ERN1: variants seen among roughly 807,000 people sequenced by gnomAD.
ERN1 encodes the protein serine/threonine-protein kinase/endoribonuclease IRE1.
In ERN1, 39 loss-of-function variants were observed where a neutral mutation model predicts 113.1. That is an observed-to-expected ratio of 0.34 (90% CI 0.27 to 0.45). The LOEUF is 0.45. Ranked by LOEUF, ERN1 falls within the 20% of genes least tolerant of loss-of-function variation. ERN1 has a pLI of 1.00. For synonymous variants in ERN1, 507 were observed against 515.9 expected (o/e 0.98, Z 0.23); for missense variants, 976 against 1,274.8 (o/e 0.77, Z 3.57).
At chr17:64,105,296 C>T (rs1567882315) in intron 1 of ERN1, among the ~76,000 whole-genome samples, 1 of 152,002 alleles carries the variant, frequency 6.6e-6, no homozygotes, top group Non-Finnish European at 1.5e-5. Flanking sequence ...TTTGTAGAGT[C>T]GGGAGTTTCA....
At chr17:64,120,813 AT>A (rs1567889159) in intron 1 of ERN1, among the ~76,000 whole-genome samples, 3 of 152,176 alleles carry the variant, frequency 2.0e-5, no homozygotes, top group African/African-American at 7.2e-5. Flanking sequence ...GTGCAATCCC[AT>A]TAAAGAATAT....
intron 5 of ERN1, among the ~76,000 whole-genome samples, chr17:64,073,003 AAT>A (rs1491444550): frequency 1.7e-4 from 20 of 119,714 alleles, no homozygotes; most frequent in Admixed American, 8.7e-4. Flanking sequence ...GAGCCTTTGA[AAT>A]TTTTTTTTTT....
chr17:64,104,453 CA>C lies in ERN1; in HGVS notation c.55-6213del, dbSNP rs35150631. Among the ~76,000 whole-genome samples the C allele has an allele frequency of 5.6e-3, 808 of 143,682 alleles. 5 individuals carry two copies. The highest frequency in any genetic ancestry group is 0.017 in the African/African-American group (681 of 39,300). 94.3% of individuals were successfully genotyped at this position (143,682 alleles called of 152,430 possible). On this transcript the variant is annotated intron_variant, in intron 1 of 21. Transcript: ENST00000433197. ...GGGGTTTCAGAAATGTTGCTTTTGC[CA>C]AAAAAAAAAATGCAGCTTGTCAATT...
chr17:64,076,652 T>C (rs1419438703), intron 4 of ERN1, among the ~76,000 whole-genome samples: 1 of 151,442 alleles, frequency 6.6e-6, no homozygotes, highest in Non-Finnish European at 1.5e-5. Context: ...CAGGCTGAAG[T>C]GCAGTGGCGT....
Position 64,055,668 on chromosome 17 carries a change from G to A in ERN1, c.1672+7C>T, listed in dbSNP as rs750987430. 1.0e-5 allele frequency: 16 copies of A among 1,568,630 alleles called. No individual in the cohort carries two copies. The South Asian group carries it at 1.8e-4, about 17-fold the overall frequency. The stretch of plus-strand genomic sequence containing the variant: ...TAAAATAGCACCAAGATGGCAACTG[G>A]CTTTACCTCCATCGTCTTGTTCCAG... On this transcript the variant is annotated splice_region_variant and intron_variant, in intron 13 of 21. Coordinates refer to ENST00000433197, the MANE Select transcript of ERN1 (RefSeq NM_001433.5).
chr17:64,075,092 G>A (rs902287668), intron 5 of ERN1, 83 bp downstream of exon 5: 10 of 1,136,794 alleles, frequency 8.8e-6, no homozygotes, highest in East Asian at 7.8e-5. Context: ...CGGTGACTGC[G>A]CCCTCTCTCT....
intron 16 of ERN1, 44 bp from the exon 17 acceptor site, chr17:64,053,023 C>A: frequency 7.4e-7 from 1 of 1,359,946 alleles, no homozygotes; most frequent in South Asian, 1.3e-5. Context: ...CCAGGAGCAA[C>A]CCCAGGCCTC....
Position 64,063,299 on chromosome 17 carries a change from A to AG in ERN1, c.1087+686dup, listed in dbSNP as rs1224845298. Among the ~76,000 whole-genome samples, 2 of 152,274 alleles carry AG rather than the reference A, an allele frequency of 1.3e-5. No individual in the cohort carries two copies. Among genetic ancestry groups the AG allele is most frequent in the Non-Finnish European group, 2.9e-5 (2 of 68,048 alleles). On this transcript the variant is annotated intron_variant, in intron 10 of 21. Coordinates refer to ENST00000433197, the MANE Select transcript of ERN1 (RefSeq NM_001433.5). The surrounding 1 kb of genome is among the most constrained non-coding windows in gnomAD (Gnocchi z 5.1). ...GCTCTAATGACTTGGCACACTTGCC[A>AG]GGAACACAGCTCTTCTCACTTCCGC...
chr17:64,102,009 G>C (rs1914398061), intron 1 of ERN1, among the ~76,000 whole-genome samples: 1 of 152,128 alleles, frequency 6.6e-6, no homozygotes, highest in Non-Finnish European at 1.5e-5. Context: ...GCCGGGACCG[G>C]TGGCTCATGC....
chr17:64,097,909 G>A (rs1000470295), intron 2 of ERN1: 14 of 551,234 alleles, frequency 2.5e-5, no homozygotes, highest in East Asian at 3.2e-5. Context: ...AAGATAAAAC[G>A]TGCTTCTTTA....
chr17:64,045,032 G>T, intron 20 of ERN1, 105 bp from the exon 21 acceptor site: 1 of 866,736 alleles, frequency 1.2e-6, no homozygotes, highest in Non-Finnish European at 1.9e-6. Flanking sequence ...GGACTGAAAG[G>T]TGAGGTCACT....
At position 64,119,376 on chromosome 17, in the gene ERN1, G is replaced by GTTT. The variant is rs3044073; in HGVS notation, c.54+10597_54+10599dup. On this transcript the variant is annotated intron_variant, in intron 1 of 21. Coordinates refer to ENST00000433197, the MANE Select transcript of ERN1 (RefSeq NM_001433.5). ...TAATATTAGGTTCCTTTTTTTCTAG[G>GTTT]TTTTTTTTTTTTTTTTTTTTTTTTT... Among the ~76,000 whole-genome samples the GTTT allele has an allele frequency of 3.3e-3, 259 of 77,866 alleles. 12 individuals are homozygous for GTTT. Among genetic ancestry groups the GTTT allele is most frequent in the Middle Eastern group, 8.3e-3 (1 of 120 alleles). The allele number at this position is 77,866 out of a possible 152,430, so 51.1% of individuals were successfully genotyped here.
intron 1 of ERN1, among the ~76,000 whole-genome samples, chr17:64,124,215 A>T (rs1354185721): frequency 6.6e-6 from 1 of 152,242 alleles, no homozygotes; most frequent in Non-Finnish European, 1.5e-5. Context: ...AAGGTTAAAC[A>T]AAGAGTTACC....
chr17:64,066,494 T>C (rs1333210149), intron 8 of ERN1, among the ~76,000 whole-genome samples, 177 bp downstream of exon 8: 1 of 152,198 alleles, frequency 6.6e-6, no homozygotes, highest in Non-Finnish European at 1.5e-5. Flanking sequence ...TGTTAATGGG[T>C]GCCCCTCAGC....
Position 64,057,938 on chromosome 17 carries a change from T to A in ERN1, c.1262A>T (p.Asp421Val). The change falls in exon 12 of 22, where the codon GAT becomes GTT. Residue 421 changes from aspartate to valine, a missense_variant. Transcript: ENST00000433197. ...GGCATGGGCGGGCTTCTCCTCCACA[T>A]CCCGAGACACGGTGGTAGGTGCGTT... ...SENAPTTVSRDVEEKPAHAPA... is the reference protein window; with the variant it reads ...SENAPTTVSRVVEEKPAHAPA... 6.2e-7 allele frequency: 1 copy of A among 1,608,316 alleles called. No homozygotes were observed. Among genetic ancestry groups the A allele is most frequent in the Admixed American group, 1.7e-5 (1 of 59,002 alleles).
At chr17:64,074,980 C>G (rs1465474820) in intron 5 of ERN1, 195 bp downstream of exon 5, 5 of 581,910 alleles carry the variant, frequency 8.6e-6, no homozygotes, top group Non-Finnish European at 1.5e-5. Context: ...TTAATGATGT[C>G]AATTCTTCTC....
chr17:64,065,080 GT>G, intron 9 of ERN1, 128 bp downstream of exon 9: 1 of 629,070 alleles, frequency 1.6e-6, no homozygotes, highest in South Asian at 2.1e-5. Flanking sequence ...TGCAGAAACT[GT>G]TTTTGAGAAC....
At position 64,044,922 on chromosome 17, in the gene ERN1, G is replaced by A. The variant is rs371950088; in HGVS notation, c.2659C>T (p.Arg887Cys). The change falls in exon 21 of 22, where the codon CGT (arginine) becomes TGT (cysteine). Residue 887 changes from arginine to cysteine, a missense_variant. By Grantham distance (180) the Arg-to-Cys change is radical. This residue lies in a region of ERN1 where 297 missense variants were observed against 457.8 expected (regional missense o/e 0.65). Coordinates refer to ENST00000433197, the MANE Select transcript of ERN1 (RefSeq NM_001433.5). The surrounding 1 kb of genome is among the most constrained non-coding windows in gnomAD (Gnocchi z 4.1). ...NITVPLQTDL[R>C]KFRTYKGGSV... is the part of the protein sequence containing the mutation. ...CCACCTTTATAGGTCCTGAATTTAC[G>A]CAGGTCTAGAAAAACATTGAGGGAA... 1.4e-5 allele frequency: 23 copies of A among 1,587,450 alleles called. No homozygotes were observed. The highest frequency in any genetic ancestry group is 2.7e-5 in the African/African-American group (2 of 74,472).
chr17:64,102,826 C>G, intron 1 of ERN1: 1 of 985,050 alleles, frequency 1.0e-6, no homozygotes, highest in Non-Finnish European at 1.2e-6. Context: ...AAGAAAATGT[C>G]GAGTCTGCAG....
Sources: allele counts gnomAD v4.1 joint callset (sites outside exome capture counted in the v4.1 genomes callset), GRCh38; gene constraint gnomAD v4.1.1; regional missense constraint gnomAD v4.1.1; non-coding constraint Gnocchi (gnomAD v3.1); transcripts MANE v1.5; gene names NCBI Gene and HGNC (gene_info 2026-07-23, HGNC 2026-07-21).